PDE4A: variants seen among roughly 807,000 people sequenced by gnomAD.
PDE4A encodes phosphodiesterase 4A, also known as 3',5'-cyclic-AMP phosphodiesterase 4A.
A neutral mutation model predicts 73.9 loss-of-function variants in PDE4A; 21 were observed. That is an observed-to-expected ratio of 0.28 (90% CI 0.20 to 0.41). PDE4A has a LOEUF of 0.41. Among genes scored for constraint, PDE4A ranks in the 10% least tolerant of loss-of-function variants. The pLI is 1.00. For missense variants in PDE4A, 958 were observed against 1,211.4 expected (o/e 0.79, Z 3.10); for synonymous variants, 463 against 505.4 (o/e 0.92, Z 1.13).
chr19:10,451,009 C>G, intron 6 of PDE4A, 68 bp downstream of exon 6: 4 of 1,459,704 alleles, frequency 2.7e-6, no homozygotes, highest in Non-Finnish European at 3.7e-6. Flanking sequence ...TAGAGCCAAC[C>G]GCTGGATGGG....
At chr19:10,426,668 C>G (rs1052937480) in intron 1 of PDE4A, among the ~76,000 whole-genome samples, 1 of 150,530 alleles carries the variant, frequency 6.6e-6, no homozygotes, top group Non-Finnish European at 1.5e-5. Flanking sequence ...GCCAGGAGTT[C>G]GAGACCAGCC....
intron 2 of PDE4A, among the ~76,000 whole-genome samples, chr19:10,447,791 C>A (rs1568375392): frequency 6.6e-6 from 1 of 152,106 alleles, no homozygotes; most frequent in East Asian, 1.9e-4. Flanking sequence ...CTAAGCTAAC[C>A]TCCCTTATCG....
intron 1 of PDE4A, chr19:10,428,868 C>T: frequency 3.0e-6 from 3 of 985,378 alleles, no homozygotes; most frequent in Non-Finnish European, 3.6e-6. Flanking sequence ...CGCAGTGGCT[C>T]ACACGGGTGG....
At chr19:10,465,997 G>A (rs1157935887) in intron 14 of PDE4A, among the ~76,000 whole-genome samples, 2 of 145,140 alleles carry the variant, frequency 1.4e-5, no homozygotes, top group Non-Finnish European at 1.5e-5. Context: ...CACTGCATCC[G>A]GCCTACTTTT....
chr19:10,458,137 G>A lies in PDE4A; in HGVS notation c.1101+35G>A. 3.7e-6 allele frequency: 6 copies of A among 1,602,148 alleles called. No individual in the cohort carries two copies. Among genetic ancestry groups the A allele is most frequent in the Non-Finnish European group, 5.1e-6 (6 of 1,170,310 alleles). On this transcript the variant is annotated intron_variant, in intron 8 of 14. Transcript: ENST00000380702. The surrounding 1 kb of genome is among the most constrained non-coding windows in gnomAD (Gnocchi z 4.6). ...GGCTCAGTAGGGGCAGGGCTGGAGG[G>A]GGTGGTCTCCTGGGACCCTGAGAAG...
At chr19:10,466,847 C>A in intron 14 of PDE4A, 40 bp from the exon 15 acceptor site, 1 of 1,591,390 alleles carries the variant, frequency 6.3e-7, no homozygotes, top group Non-Finnish European at 8.5e-7. Flanking sequence ...TATCATCCAC[C>A]CCATAGGCCG....
chr19:10,457,908 C>G lies in PDE4A; in HGVS notation c.907C>G (p.Pro303Ala), dbSNP rs200515047. Residue 303 changes from proline to alanine, a missense_variant, in exon 8 of 15, where the codon CCC (proline) becomes GCC (alanine). This residue lies in a region of PDE4A where 570 missense variants were observed against 827.7 expected (regional missense o/e 0.69). Coordinates refer to ENST00000380702, the MANE Select transcript of PDE4A (RefSeq NM_001111307.2). ...ACAGAATGAAGTGGAGATCCCATCA[C>G]CCACGATGAAGGAACGAGAAAAACA... Reference protein sequence around the residue: ...DKQNEVEIPSPTMKEREKQQA... With the variant: ...DKQNEVEIPSATMKEREKQQA... The G allele has an allele frequency of 6.2e-7, 1 of 1,612,338 alleles. No homozygotes were observed. The highest frequency in any genetic ancestry group is 2.2e-5 in the East Asian group (1 of 44,886).
At position 10,458,815 on chromosome 19, in the gene PDE4A, C is replaced by T. The variant is rs3936362; in HGVS notation, c.1102-585C>T. ...TGTATTTTTAGTAGAAATGGGGTTT[C>T]ACCATGTTGACCAGGCTGGTCTCGA... On this transcript the variant is annotated intron_variant, in intron 8 of 14. Transcript: ENST00000380702. This position sits in a 1 kb window ranked among gnomAD's most constrained non-coding sequence, Gnocchi z 4.6. Among the ~76,000 whole-genome samples, 868 of 152,240 alleles carry T rather than the reference C, an allele frequency of 5.7e-3. 9 individuals carry two copies. The highest frequency in any genetic ancestry group is 0.02 in the African/African-American group (813 of 41,542).
At chr19:10,462,596 G>A (rs1203536810) in intron 13 of PDE4A, among the ~76,000 whole-genome samples, 1 of 152,048 alleles carries the variant, frequency 6.6e-6, no homozygotes, top group Non-Finnish European at 1.5e-5. Context: ...TGCTGGGATA[G>A]CTGGCGTGAG....
intron 1 of PDE4A, 93 bp downstream of exon 1, chr19:10,421,177 G>C: frequency 7.5e-7 from 1 of 1,335,362 alleles, no homozygotes; most frequent in Non-Finnish European, 9.5e-7. Context: ...CTAGGATGCG[G>C]GTGGGGTCGG....
Position 10,424,696 on chromosome 19 carries a change from C to T in PDE4A, c.320+3612C>T, listed in dbSNP as rs1253085999. 6.6e-6 allele frequency among the ~76,000 whole-genome samples: 1 copy of T among 152,264 alleles called. No individual in the cohort carries two copies. Among genetic ancestry groups the T allele is most frequent in the Non-Finnish European group, 1.5e-5 (1 of 68,048 alleles). On this transcript the variant is annotated intron_variant, in intron 1 of 14. Coordinates refer to ENST00000380702, the MANE Select transcript of PDE4A (RefSeq NM_001111307.2). This position sits in a 1 kb window ranked among gnomAD's most constrained non-coding sequence, Gnocchi z 4.8. ...GGTCCTCGCCCTCCCGGGCTTGGGA[C>T]CAGGCCGCTTTCCCCATGCGCCAGC... is the stretch of plus-strand genomic sequence containing the variant.
At chr19:10,443,977 A>G (rs2042971258) in intron 1 of PDE4A, among the ~76,000 whole-genome samples, 1 of 149,858 alleles carries the variant, frequency 6.7e-6, no homozygotes, top group Non-Finnish European at 1.5e-5. Flanking sequence ...ACTGGACTCC[A>G]GTCTAGGTGA....
intron 7 of PDE4A, 85 bp from the exon 8 acceptor site, chr19:10,457,794 G>C: frequency 1.3e-6 from 2 of 1,563,648 alleles, no homozygotes; most frequent in Non-Finnish European, 1.7e-6. Flanking sequence ...AGCCTTCCCC[G>C]TACGTGGTAG....
intron 6 of PDE4A, 141 bp downstream of exon 6, chr19:10,451,082 T>C (rs2043082873): frequency 2.4e-6 from 2 of 833,370 alleles, no homozygotes. Flanking sequence ...CGGAGATAGC[T>C]ACTGGGTGTG....
At chr19:10,462,449 C>T (rs991374595) in intron 13 of PDE4A, among the ~76,000 whole-genome samples, 19 of 151,680 alleles carry the variant, frequency 1.3e-4, no homozygotes, top group African/African-American at 4.3e-4. Context: ...GCGTGAGCCA[C>T]CGCGCTCAGC....
chr19:10,437,412 G>A (rs557076442), intron 1 of PDE4A, among the ~76,000 whole-genome samples: 10 of 151,764 alleles, frequency 6.6e-5, no homozygotes, highest in South Asian at 6.3e-4. Flanking sequence ...GTAAGCCACC[G>A]TGCCCGGCCT....
chr19:10,444,388 C>T (rs2042976434), intron 1 of PDE4A, among the ~76,000 whole-genome samples: 1 of 151,788 alleles, frequency 6.6e-6, no homozygotes, highest in Admixed American at 6.6e-5. Context: ...ATCCCAGCTA[C>T]TCGGGAGACT....
At chr19:10,465,683 C>CTTTTTTTTTTTTTTTTTTTTTT (rs749126870) in intron 14 of PDE4A, among the ~76,000 whole-genome samples, 1 of 48,366 alleles carries the variant, frequency 2.1e-5, no homozygotes, top group African/African-American at 8.1e-5. Context: ...GTGGCTTTAG[C>CTTTTTTTTTTTTTTTTTTTTTT]TTTTTTTTTT....
At chr19:10,431,124 C>G (rs2042783756) in intron 1 of PDE4A, 1 of 1,372,640 alleles carries the variant, frequency 7.3e-7, no homozygotes, top group East Asian at 2.8e-5. Context: ...TCAAGTCGCC[C>G]CTGGCCACCT....
Sources: allele counts gnomAD v4.1 joint callset (sites outside exome capture counted in the v4.1 genomes callset), GRCh38; gene constraint gnomAD v4.1.1; regional missense constraint gnomAD v4.1.1; non-coding constraint Gnocchi (gnomAD v3.1); transcripts MANE v1.5; gene names NCBI Gene and HGNC (gene_info 2026-07-23, HGNC 2026-07-21).